ZPBP: variants seen among roughly 807,000 people sequenced by gnomAD.
The protein encoded by ZPBP is zona pellucida binding protein.
In ZPBP, 26 loss-of-function variants were observed where a neutral mutation model predicts 44.8. The observed-to-expected ratio is 0.58, with a 90% CI of 0.43 to 0.81. ZPBP has a LOEUF of 0.81. ZPBP is among the 30% of genes least tolerant of loss of function. ZPBP has a pLI of 0.00. For synonymous variants in ZPBP, 174 were observed against 153.2 expected (o/e 1.14, Z -1.00); for missense variants, 409 against 434.0 (o/e 0.94, Z 0.51).
chr7:50,024,850 G>A (rs1799251413), intron 5 of ZPBP, among the ~76,000 whole-genome samples: 1 of 151,818 alleles, frequency 6.6e-6, no homozygotes, highest in South Asian at 2.1e-4. Context: ...CTTACCATGG[G>A]GTGGAGGGGA....
intron 4 of ZPBP, among the ~76,000 whole-genome samples, chr7:50,048,638 G>C (rs59012477): frequency 0.023 from 3,441 of 151,992 alleles, 137 homozygotes; most frequent in African/African-American, 0.078. Context: ...TGATATAAAT[G>C]AAAATGAAGA....
At chr7:49,890,153 A>G (rs1376733294) in intron 2 of ZPBP, among the ~76,000 whole-genome samples, 1 of 152,238 alleles carries the variant, frequency 6.6e-6, no homozygotes, top group African/African-American at 2.4e-5. Context: ...CAGATGAAGC[A>G]GAGCTCTGTG....
intron 3 of ZPBP, among the ~76,000 whole-genome samples, chr7:50,074,965 C>T: frequency 6.6e-6 from 1 of 151,830 alleles, no homozygotes; most frequent in Non-Finnish European, 1.5e-5. Context: ...CTGCAGAATA[C>T]ACATTATTTT....
chr7:49,864,050 C>T (rs1410796351), intron 2 of ZPBP, among the ~76,000 whole-genome samples: 1 of 151,960 alleles, frequency 6.6e-6, no homozygotes, highest in Non-Finnish European at 1.5e-5. Context: ...ATCAGACTGC[C>T]CTTCTTCCAG....
At chr7:49,858,826 A>G (rs1790534448) in intron 2 of ZPBP, among the ~76,000 whole-genome samples, 1 of 152,210 alleles carries the variant, frequency 6.6e-6, no homozygotes, top group East Asian at 1.9e-4. Flanking sequence ...ATGTTTATAA[A>G]ATTCATACAG....
At chr7:50,029,668 A>G (rs1384208190) in intron 5 of ZPBP, among the ~76,000 whole-genome samples, 1 of 152,262 alleles carries the variant, frequency 6.6e-6, no homozygotes, top group Non-Finnish European at 1.5e-5. Flanking sequence ...GGACTTGAAT[A>G]AACATTTCTC....
intron 5 of ZPBP, among the ~76,000 whole-genome samples, chr7:50,020,132 T>C (rs1433283666): frequency 6.6e-6 from 1 of 151,902 alleles, no homozygotes; most frequent in Admixed American, 6.6e-5. Context: ...TAAGTATTAA[T>C]AACCTAAGGT....
intron 6 of ZPBP, among the ~76,000 whole-genome samples, chr7:50,005,659 G>T (rs780474598): frequency 4.0e-5 from 6 of 151,802 alleles, no homozygotes; most frequent in Non-Finnish European, 5.9e-5. Context: ...GGGAAACAAA[G>T]CATGGCACTA....
At chr7:50,037,460 T>C (rs755996962) in intron 4 of ZPBP, among the ~76,000 whole-genome samples, 45 of 152,298 alleles carry the variant, frequency 3.0e-4, no homozygotes, top group Middle Eastern at 6.8e-3. Flanking sequence ...TACAGAAGCA[T>C]GGCTGGAAAG....
intron 4 of ZPBP, 131 bp from the exon 5 acceptor site, chr7:50,031,441 T>A: frequency 1.4e-6 from 1 of 715,792 alleles, no homozygotes; most frequent in Non-Finnish European, 2.2e-6. Context: ...ATTATATTTA[T>A]TTTTAGTTCT....
chr7:50,085,773 C>G (rs1235051774), intron 2 of ZPBP, among the ~76,000 whole-genome samples: 2 of 152,034 alleles, frequency 1.3e-5, no homozygotes, highest in African/African-American at 2.4e-5. Flanking sequence ...ATAGGTTAAC[C>G]AAAAACCTTA....
At chr7:50,050,867 T>C (rs1174289514) in intron 4 of ZPBP, among the ~76,000 whole-genome samples, 1 of 129,664 alleles carries the variant, frequency 7.7e-6, no homozygotes, top group Non-Finnish European at 1.6e-5. Context: ...ATTCAGGACA[T>C]AGGCACAGGC....
At chr7:50,068,862 T>C (rs1313039352) in intron 3 of ZPBP, among the ~76,000 whole-genome samples, 1 of 152,254 alleles carries the variant, frequency 6.6e-6, no homozygotes, top group Non-Finnish European at 1.5e-5. Flanking sequence ...CACAGTCTTT[T>C]ATAAAATTGG....
chr7:50,054,143 G>A (rs1036714011), intron 4 of ZPBP, among the ~76,000 whole-genome samples: 2 of 151,884 alleles, frequency 1.3e-5, no homozygotes, highest in South Asian at 2.1e-4. Context: ...CACCCACCTC[G>A]GCCTCCCAAA....
chr7:50,057,002 G>A (rs766061072), intron 4 of ZPBP, among the ~76,000 whole-genome samples: 3 of 151,902 alleles, frequency 2.0e-5, no homozygotes, highest in Non-Finnish European at 2.9e-5. Context: ...TGGCTAACAC[G>A]GTGAAACCCC....
chr7:50,031,332 A>C, intron 4 of ZPBP, 22 bp from the exon 5 acceptor site: 1 of 1,563,942 alleles, frequency 6.4e-7, no homozygotes, highest in Non-Finnish European at 8.7e-7. Context: ...TAACAAGAGA[A>C]AGACACAAAA....
chr7:49,852,876 CTG>C (rs1790240666), intron 2 of ZPBP, among the ~76,000 whole-genome samples: 6 of 152,222 alleles, frequency 3.9e-5, no homozygotes, highest in Admixed American at 2.6e-4. Context: ...CAGATGGAAA[CTG>C]GCTTCTGTAA....
At chr7:49,930,191 C>A (rs1157454290) in intron 1 of ZPBP, among the ~76,000 whole-genome samples, 1 of 152,136 alleles carries the variant, frequency 6.6e-6, no homozygotes, top group Non-Finnish European at 1.5e-5. Flanking sequence ...TAGTCCGAGG[C>A]CAGGAGGATG....
chr7:49,944,845 T>TA (rs1562791689), intron 7 of ZPBP, among the ~76,000 whole-genome samples: 562 of 28,332 alleles, frequency 0.02, 1 homozygote, highest in African/African-American at 0.08. Context: ...TGTATTTTTT[T>TA]TATTTCATTT....
Sources: gnomAD v4.1 joint callset for allele counts (sites outside exome capture counted in the v4.1 genomes callset) on GRCh38, gnomAD v4.1.1 for gene constraint, MANE v1.5 for transcripts, NCBI Gene and HGNC (gene_info 2026-07-23, HGNC 2026-07-21) for gene names.